Variants in NFIB observed in about 807,000 individuals in gnomAD.
NFIB encodes the protein nuclear factor I B.
In NFIB, 11 loss-of-function variants were observed where a neutral mutation model predicts 61.5. The observed-to-expected ratio is 0.18, with a 90% confidence interval of 0.11 to 0.30. NFIB has a LOEUF of 0.30. NFIB is among the 10% of genes least tolerant of loss of function. The pLI is 1.00. For synonymous variants in NFIB, 260 were observed against 216.5 expected (o/e 1.20, Z -1.76); for missense variants, 471 against 608.9 (o/e 0.77, Z 2.38).
chr9:14,099,759 G>A (rs929173035), intron 10 of NFIB, among the ~76,000 whole-genome samples: 1 of 152,174 alleles, frequency 6.6e-6, no homozygotes, highest in Non-Finnish European at 1.5e-5. Flanking sequence ...TTCTGAATCA[G>A]GATAGAAAGA....
At chr9:14,121,522 C>T (rs1399091741) in intron 7 of NFIB, among the ~76,000 whole-genome samples, 2 of 152,194 alleles carry the variant, frequency 1.3e-5, no homozygotes, top group Non-Finnish European at 2.9e-5. Flanking sequence ...TTATAATTGT[C>T]TGGTCATGGT....
chr9:14,361,728 A>G (rs915332547), intron 1 of NFIB: 3 of 152,224 alleles, frequency 2.0e-5, no homozygotes, highest in African/African-American at 7.2e-5. Context: ...AAAAAATGAA[A>G]GCTTAGTTTT....
intron 1 of NFIB, among the ~76,000 whole-genome samples, chr9:14,308,937 A>G (rs1291585473): frequency 6.6e-6 from 1 of 152,168 alleles, no homozygotes; most frequent in Non-Finnish European, 1.5e-5. Flanking sequence ...GCTTAGGCCT[A>G]TTACTGTTCA....
intron 1 of NFIB, among the ~76,000 whole-genome samples, chr9:14,329,779 C>T (rs911640031): frequency 1.5e-4 from 22 of 151,664 alleles, no homozygotes; most frequent in African/African-American, 4.8e-4. Flanking sequence ...TCCCAAAGTG[C>T]TGGGATTATA....
the NFIB span, among the ~76,000 whole-genome samples, chr9:14,407,246 A>G: frequency 6.6e-6 from 1 of 152,252 alleles, no homozygotes; most frequent in South Asian, 2.1e-4. Flanking sequence ...CAAATATTAA[A>G]CTTTCCTTTG....
chr9:14,307,066 A>G lies in NFIB; in HGVS notation c.485T>C (p.Leu162Pro), dbSNP rs2060057769. 1 of 1,614,062 alleles carries G rather than the reference A, an allele frequency of 6.2e-7. No homozygotes were observed. The highest frequency in any genetic ancestry group is 1.3e-5 in the African/African-American group (1 of 74,936). ...TGTGATATGATGTGGCTGGACACAAAGTGCTGGGTTTGTGCAATGTGGGGA... is the reference window on the plus strand; with the variant it reads ...TGTGATATGATGTGGCTGGACACAAGGTGCTGGGTTTGTGCAATGTGGGGA... ...MKSPHCTNPA[L>P]CVQPHHITVS... Residue 162 changes from leucine (L) to proline (P), a missense_variant, in exon 2 of 11, where the codon CTT becomes CCT. Leu to Pro is a moderately conservative substitution (Grantham distance 98). Coordinates refer to ENST00000380953, the MANE Select transcript of NFIB (RefSeq NM_001190737.2). The surrounding 1 kb of genome is among the most constrained non-coding windows in gnomAD (Gnocchi z 5.3).
chr9:14,322,330 C>T, intron 1 of NFIB: 1 of 272,474 alleles, frequency 3.7e-6, no homozygotes, highest in East Asian at 5.4e-5. Flanking sequence ...TGCGTGTGTG[C>T]ATGTATGTGT....
rs541827466 is a variant in NFIB, at chr9:14,107,727, G to A, written c.1467+5272C>T. On this transcript the variant is annotated intron_variant, in intron 10 of 10. Coordinates refer to ENST00000380953, the MANE Select transcript of NFIB (RefSeq NM_001190737.2). ...TTCTCACCCACTACACCAGTTGCCT[G>A]TCATTGTTCCTTTCCTACCCTGTCC... Among the ~76,000 whole-genome samples the A allele has an allele frequency of 1.6e-4, 24 of 152,186 alleles. 1 individual carries two copies. Among genetic ancestry groups the A allele is most frequent in the African/African-American group, 5.8e-4 (24 of 41,546 alleles).
At chr9:14,131,564 C>T (rs1364952822) in intron 6 of NFIB, among the ~76,000 whole-genome samples, 3 of 152,112 alleles carry the variant, frequency 2.0e-5, no homozygotes, top group Middle Eastern at 3.2e-3. Flanking sequence ...GCACAAATTG[C>T]GCTCCAGATG....
intron 3 of NFIB, among the ~76,000 whole-genome samples, chr9:14,167,088 G>C (rs897637193): frequency 1.3e-5 from 2 of 150,038 alleles, no homozygotes; most frequent in African/African-American, 4.9e-5. Context: ...TGTGTCGGGG[G>C]GGGGGGGTTC....
At chr9:14,123,921 TGTG>T (rs1023236965) in intron 7 of NFIB, among the ~76,000 whole-genome samples, 3 of 152,162 alleles carry the variant, frequency 2.0e-5, no homozygotes, top group African/African-American at 4.8e-5. Flanking sequence ...TGTTCCTTCT[TGTG>T]GTGAACTTTG....
rs758668815 is a variant in NFIB, at chr9:14,146,777, T to G, written c.837A>C (p.Glu279Asp). Reference protein sequence around the residue: ...SKRPKTISIDENMEPSPTGDF... With the variant: ...SKRPKTISIDDNMEPSPTGDF... ...CTCCTGTAGGACTTGGTTCCATATT[T>G]TCATCTATGGATATAGTTTTGGGTC... is the stretch of plus-strand genomic sequence containing the variant. The change falls in exon 6 of 11, where the codon GAA becomes GAC. Residue 279 changes from glutamate (E) to aspartate (D), a missense_variant. Physicochemically the swap from Glu to Asp is conservative, Grantham distance 45. Around this residue, in one of 2 missense-constraint regions of NFIB, gnomAD observed 372 missense variants for 395.6 expected, o/e 0.94. Coordinates refer to ENST00000380953, the MANE Select transcript of NFIB (RefSeq NM_001190737.2). 5.0e-6 allele frequency: 8 copies of G among 1,604,612 alleles called. No individual in the cohort carries two copies. Among genetic ancestry groups the G allele is most frequent in the Non-Finnish European group, 5.9e-6 (7 of 1,177,632 alleles).
chr9:14,165,241 A>C (rs1466046615), intron 3 of NFIB, among the ~76,000 whole-genome samples: 2 of 152,176 alleles, frequency 1.3e-5, no homozygotes, highest in Non-Finnish European at 2.9e-5. Context: ...TTAGGAAATA[A>C]GACAAGCTTC....
intron 1 of NFIB, among the ~76,000 whole-genome samples, chr9:14,390,833 C>A (rs2061610977): frequency 6.6e-6 from 1 of 152,170 alleles, no homozygotes; most frequent in African/African-American, 2.4e-5. Context: ...TCCTGGCCTC[C>A]AGAACTCTAA....
chr9:14,467,497 G>A, the NFIB span, among the ~76,000 whole-genome samples: 1 of 152,126 alleles, frequency 6.6e-6, no homozygotes, highest in African/African-American at 2.4e-5. Context: ...GTGACTGCTG[G>A]TCTCATTAAC....
intron 1 of NFIB, among the ~76,000 whole-genome samples, chr9:14,312,380 T>C (rs374200452): frequency 2.2e-4 from 34 of 152,362 alleles, no homozygotes; most frequent in African/African-American, 7.9e-4. Flanking sequence ...ATATGACTAG[T>C]TTTCATGGCA....
chr9:14,458,949 A>G, the NFIB span, among the ~76,000 whole-genome samples: 2 of 152,148 alleles, frequency 1.3e-5, no homozygotes, highest in African/African-American at 2.4e-5. Flanking sequence ...TGCCCAAGGT[A>G]ATTTATAGAT....
chr9:14,508,695 C>T, the NFIB span, among the ~76,000 whole-genome samples: 7 of 152,220 alleles, frequency 4.6e-5, no homozygotes, highest in East Asian at 1.9e-4. Flanking sequence ...CAGGATGGTC[C>T]GGCTACATGC....
the NFIB span, among the ~76,000 whole-genome samples, chr9:14,526,941 T>A: frequency 1.3e-5 from 2 of 152,202 alleles, no homozygotes; most frequent in Non-Finnish European, 2.9e-5. Context: ...AATAACCATC[T>A]AATCACTGTT....
Sources: gnomAD v4.1 joint callset for allele counts (sites outside exome capture counted in the v4.1 genomes callset) on GRCh38, gnomAD v4.1.1 for gene constraint, gnomAD v4.1.1 regional missense constraint, Gnocchi (gnomAD v3.1) non-coding constraint, MANE v1.5 for transcripts, NCBI Gene and HGNC (gene_info 2026-07-23, HGNC 2026-07-21) for gene names.